The following OCA2 variants were observed in gnomAD, a reference collection of about 807,000 sequenced individuals.
OCA2 encodes the protein P protein.
A neutral mutation model predicts 100.2 loss-of-function variants in OCA2; 77 were observed. That is an observed-to-expected ratio of 0.77 (90% CI 0.64 to 0.93). The LOEUF is 0.93. OCA2 is among the 40% of genes least tolerant of loss of function. The pLI, the probability that OCA2 is intolerant of heterozygous loss-of-function variation, is 0.00. For synonymous variants in OCA2, 432 were observed against 439.2 expected (o/e 0.98, Z 0.21); for missense variants, 1,062 against 1,089.1 (o/e 0.98, Z 0.35).
chr15:27,907,785 C>T (rs1239109078), intron 19 of OCA2, among the ~76,000 whole-genome samples: 20 of 152,108 alleles, frequency 1.3e-4, no homozygotes, highest in Admixed American at 1.3e-3. Context: ...TAGAGAAATA[C>T]AGATTGCCAA....
intron 18 of OCA2, among the ~76,000 whole-genome samples, chr15:27,929,825 A>AAATTTTTTTTTTTTTTTTTTTTTTTTT (rs71132826): frequency 1.3e-5 from 2 of 149,130 alleles, no homozygotes. Context: ...CAAATGGGAA[A>AAATTTTTTTTTTTTTTTTTTTTTTTTT]TATTTTAAAC....
At chr15:27,780,739 T>C (rs1485905835) in intron 23 of OCA2, among the ~76,000 whole-genome samples, 1 of 152,210 alleles carries the variant, frequency 6.6e-6, no homozygotes, top group Non-Finnish European at 1.5e-5. Flanking sequence ...TTTGCTTGAA[T>C]GACTTTAAAC....
At chr15:28,048,570 A>T (rs548616235) in intron 2 of OCA2, among the ~76,000 whole-genome samples, 2 of 152,296 alleles carry the variant, frequency 1.3e-5, no homozygotes, top group South Asian at 2.1e-4. Flanking sequence ...TTAAGATAAA[A>T]CCATAAAATT....
chr15:27,834,530 G>C (rs2035076377), intron 23 of OCA2, among the ~76,000 whole-genome samples: 1 of 152,244 alleles, frequency 6.6e-6, no homozygotes, highest in Admixed American at 6.5e-5. Context: ...TTGTAGCCAA[G>C]TTGCACAGAA....
Position 28,032,120 on chromosome 15 carries a change from C to A in OCA2, c.271G>T (p.Asp91Tyr), listed in dbSNP as rs560935571. The A allele has an allele frequency of 9.9e-6, 16 of 1,614,088 alleles. No homozygotes were observed. The African/African-American group carries it at 1.7e-4, about 17-fold the overall frequency. The change falls in exon 3 of 24, where the codon GAT becomes TAT. Residue 91 changes from aspartate to tyrosine, a missense_variant. Asp to Tyr is a radical substitution (Grantham distance 160). Coordinates refer to ENST00000354638, the MANE Select transcript of OCA2 (RefSeq NM_000275.3). ...LPQMSSSRSK[D>Y]SCFTENTPLL... ...GGAGTGTTTTCTGTAAAGCAGGAATCTTTAGACCTGGAGCTGGACATCTGG... is the reference window on the plus strand; with the variant it reads ...GGAGTGTTTTCTGTAAAGCAGGAATATTTAGACCTGGAGCTGGACATCTGG...
chr15:28,081,187 T>C (rs562282131), intron 2 of OCA2, among the ~76,000 whole-genome samples: 3 of 152,268 alleles, frequency 2.0e-5, no homozygotes, highest in African/African-American at 7.2e-5. Flanking sequence ...CATCACACAA[T>C]ATACCCAGGT....
intron 21 of OCA2, among the ~76,000 whole-genome samples, chr15:27,859,156 T>C (rs552715955): frequency 6.6e-6 from 1 of 151,826 alleles, no homozygotes; most frequent in East Asian, 1.9e-4. Flanking sequence ...GCTAGTAGAA[T>C]GAGGGAAATA....
At chr15:27,864,565 G>A (rs1375046387) in intron 21 of OCA2, among the ~76,000 whole-genome samples, 1 of 152,136 alleles carries the variant, frequency 6.6e-6, no homozygotes, top group East Asian at 1.9e-4. Flanking sequence ...TATGGGATGG[G>A]GCGAGACTGC....
intron 19 of OCA2, among the ~76,000 whole-genome samples, chr15:27,879,196 T>C (rs2036912221): frequency 6.6e-6 from 1 of 152,350 alleles, no homozygotes; most frequent in Middle Eastern, 3.4e-3. Context: ...TGTTCCTTTT[T>C]ATGGCTGCAG....
chr15:27,865,428 C>T (rs932786674), intron 21 of OCA2, among the ~76,000 whole-genome samples: 5 of 152,188 alleles, frequency 3.3e-5, no homozygotes, highest in African/African-American at 1.2e-4. Flanking sequence ...CAGAGGCTGG[C>T]GAGGAGGCAG....
intron 19 of OCA2, among the ~76,000 whole-genome samples, chr15:27,874,261 C>T (rs7167140): frequency 0.11 from 16,899 of 152,132 alleles, 2,214 homozygotes; most frequent in African/African-American, 0.31. Context: ...TGTCTAGGAG[C>T]GGCAAGACTT....
At chr15:27,865,413 T>C (rs1295118129) in intron 21 of OCA2, among the ~76,000 whole-genome samples, 1 of 152,220 alleles carries the variant, frequency 6.6e-6, no homozygotes, top group Non-Finnish European at 1.5e-5. Flanking sequence ...TGTTTCTGCA[T>C]CTGACAGAGG....
chr15:27,986,488 A>G, intron 12 of OCA2, 99 bp downstream of exon 12: 2 of 871,250 alleles, frequency 2.3e-6, no homozygotes, highest in Non-Finnish European at 3.8e-6. Context: ...GAATTTTTCA[A>G]TGTTTGTTTT....
In OCA2 at chr15:28,081,658, T is replaced by C. The variant is rs2141895947; in HGVS notation, c.217A>G (p.Thr73Ala). The change falls in exon 2 of 24, where the codon ACA becomes GCA. Residue 73 changes from threonine to alanine, a missense_variant. By Grantham distance (58) the Thr-to-Ala change is moderately conservative (BLOSUM62 0). Transcript: ENST00000354638. ...PAGQEFASFL[T>A]KGRSHSSLPQ... Reference sequence around the variant, plus strand: ...CTATTTTAAACTCACCTCCCTTTTGTGAGGAATGAAGCAAACTCCTGGCCT... The same window carrying C: ...CTATTTTAAACTCACCTCCCTTTTGCGAGGAATGAAGCAAACTCCTGGCCT... 2 of 1,613,650 alleles carry C rather than the reference T, an allele frequency of 1.2e-6. No homozygotes were observed. Among genetic ancestry groups the C allele is most frequent in the Non-Finnish European group, 8.5e-7 (1 of 1,179,962 alleles).
chr15:28,097,692 G>T (rs1019371619), intron 1 of OCA2, among the ~76,000 whole-genome samples: 1 of 151,958 alleles, frequency 6.6e-6, no homozygotes, highest in Non-Finnish European at 1.5e-5. Context: ...AGACATAAAG[G>T]TACCCAAAAC....
chr15:28,027,497 A>G (rs2042788931), intron 4 of OCA2, among the ~76,000 whole-genome samples: 2 of 152,228 alleles, frequency 1.3e-5, no homozygotes, highest in African/African-American at 4.8e-5. Context: ...GCGCTGGGCC[A>G]GACCCACTCC....
At chr15:27,764,674 C>G (rs561321447) in intron 23 of OCA2, among the ~76,000 whole-genome samples, 3 of 152,254 alleles carry the variant, frequency 2.0e-5, no homozygotes, top group Admixed American at 2.0e-4. Flanking sequence ...TTGCGGTCCA[C>G]AAAGCCTGAA....
chr15:27,921,172 A>T (rs1024142309), intron 19 of OCA2, among the ~76,000 whole-genome samples: 2 of 152,176 alleles, frequency 1.3e-5, no homozygotes, highest in African/African-American at 2.4e-5. Flanking sequence ...TAATAGTCAC[A>T]CTATTGAAAG....
intron 23 of OCA2, among the ~76,000 whole-genome samples, chr15:27,822,889 T>C (rs975964309): frequency 6.6e-6 from 1 of 152,230 alleles, no homozygotes; most frequent in Non-Finnish European, 1.5e-5. Context: ...AGGTCTTAAA[T>C]ATAGTCTGAT....
Sources: allele counts gnomAD v4.1 joint callset (sites outside exome capture counted in the v4.1 genomes callset), GRCh38; gene constraint gnomAD v4.1.1; transcripts MANE v1.5; gene names NCBI Gene and HGNC (gene_info 2026-07-23, HGNC 2026-07-21).